Variants in ARID1A observed in about 807,000 individuals in gnomAD.
ARID1A encodes the protein AT-rich interactive domain-containing protein 1A.
Under a neutral mutation model 212.6 loss-of-function variants are expected in ARID1A, and 20 were observed. The ratio of observed to expected loss-of-function variants is 0.09; its 90% CI spans 0.07 to 0.14. The LOEUF is 0.14. Ranked by LOEUF, ARID1A falls within the 10% of genes least tolerant of loss-of-function variation. ARID1A has a pLI of 1.00. For synonymous variants in ARID1A, 1,376 were observed against 1,222.1 expected (o/e 1.13, Z -2.63); for missense variants, 2,587 against 3,059.0 (o/e 0.85, Z 3.64).
Position 26,766,276 on chromosome 1 carries a change from T to A in ARID1A, c.2788T>A (p.Tyr930Asn). ...QGGMMGTGPPYGQGINSMAGM... is the reference protein window; with the variant it reads ...QGGMMGTGPPNGQGINSMAGM... ...GGGCATGATGGGAACTGGACCTCCT[T>A]ATGGACAAGGGATTAATAGTATGGC... Residue 930 changes from tyrosine (Y) to asparagine (N), a missense_variant, in exon 9 of 20, where the codon TAT becomes AAT. Physicochemically the swap from Tyr to Asn is moderately radical, Grantham distance 143. Around this residue, in one of 11 missense-constraint regions of ARID1A, gnomAD observed 674 missense variants for 813.4 expected, o/e 0.83. Coordinates refer to ENST00000324856, the MANE Select transcript of ARID1A (RefSeq NM_006015.6). 6.2e-7 allele frequency: 1 copy of A among 1,614,086 alleles called. No homozygotes were observed. The highest frequency in any genetic ancestry group is 1.3e-5 in the African/African-American group (1 of 75,008).
In ARID1A at chr1:26,696,693, A is replaced by G. The variant is rs2124741178; in HGVS notation, c.290A>G (p.Glu97Gly). ...GGCAGCGGCGGCGGGCCCGGCGCGG[A>G]GCCGGACCTGAAGAACTCGAACGGG... ...GAGSGGGPGA[E>G]PDLKNSNGNA... Residue 97 changes from glutamate (E) to glycine (G), a missense_variant, in exon 1 of 20, where the codon GAG (glutamate) becomes GGG (glycine). By Grantham distance (98) the Glu-to-Gly change is moderately conservative. Coordinates refer to ENST00000324856, the MANE Select transcript of ARID1A (RefSeq NM_006015.6). The G allele has an allele frequency of 1.5e-6, 2 of 1,346,938 alleles. No homozygotes were observed. Among genetic ancestry groups the G allele is most frequent in the South Asian group, 1.9e-5 (1 of 53,508 alleles). The allele number at this position is 1,346,938 out of a possible 1,614,324, so 83.4% of individuals were successfully genotyped here. A position where few individuals can be genotyped will look rare whatever the true frequency, so the allele number is the denominator to read the frequency against.
At position 26,718,898 on chromosome 1, in the gene ARID1A, CAAT is replaced by C. The variant is rs2080530830; in HGVS notation, c.1138-10750_1138-10748del. On this transcript the variant is annotated intron_variant, in intron 1 of 19. Transcript: ENST00000324856. ...TTTATTAGGCATAGTAAGAGATTAACAATAACTAATGATAAAATACAACAGTTA... is the reference window on the plus strand; with the variant it reads ...TTTATTAGGCATAGTAAGAGATTAACAACTAATGATAAAATACAACAGTTA... Among the ~76,000 whole-genome samples, 4 of 152,188 alleles carry C rather than the reference CAAT, an allele frequency of 2.6e-5. No homozygotes were observed. The South Asian group carries it at 8.3e-4, about 31-fold the overall frequency.
In ARID1A at chr1:26,779,083, G is replaced by A. The variant is rs2081164459; in HGVS notation, c.5185G>A (p.Gly1729Ser). ...CCGACGATGCCTGATTGAGATCTTT[G>A]GCATTTTAAAGGAGTATGAGGTGGG... ...YFRRCLIEIF[G>S]ILKEYEVGDP... is the part of the protein sequence containing the mutation. Residue 1729 changes from glycine to serine, a missense_variant, in exon 20 of 20, where the codon GGC (glycine) becomes AGC (serine). Physicochemically the swap from Gly to Ser is moderately conservative, Grantham distance 56. Around this residue, in one of 11 missense-constraint regions of ARID1A, gnomAD observed 890 missense variants for 1,098.2 expected, o/e 0.81. Transcript: ENST00000324856. The A allele has an allele frequency of 6.6e-7, 1 of 1,515,196 alleles. No homozygotes were observed. Among genetic ancestry groups the A allele is most frequent in the Non-Finnish European group, 8.8e-7 (1 of 1,131,628 alleles). The allele number at this position is 1,515,196 out of a possible 1,614,324, so 93.9% of individuals were successfully genotyped here.
chr1:26,750,517 G>C (rs2124014835), intron 4 of ARID1A, among the ~76,000 whole-genome samples: 1 of 152,170 alleles, frequency 6.6e-6, no homozygotes, highest in South Asian at 2.1e-4. Context: ...GGAGAGTGGG[G>C]TCCCTAAACA....
intron 1 of ARID1A, among the ~76,000 whole-genome samples, chr1:26,711,006 C>A (rs758590836): frequency 6.6e-6 from 1 of 152,026 alleles, no homozygotes; most frequent in Non-Finnish European, 1.5e-5. Flanking sequence ...GCTGGCAGAT[C>A]GGGTTCTTGG....
intron 4 of ARID1A, among the ~76,000 whole-genome samples, chr1:26,734,442 C>T (rs530062649): frequency 6.6e-6 from 1 of 150,648 alleles, no homozygotes; most frequent in South Asian, 2.1e-4. Flanking sequence ...ATCTGACCCA[C>T]TGAAGTGAAG....
At position 26,779,145 on chromosome 1, in the gene ARID1A, G is replaced by T. The variant is rs200936451; in HGVS notation, c.5247G>T (p.Arg1749Ser). The T allele has an allele frequency of 6.3e-6, 10 of 1,591,736 alleles. No individual in the cohort carries two copies. The highest frequency in any genetic ancestry group is 3.5e-5 in the Admixed American group (2 of 57,684). The change falls in exon 20 of 20, where the codon AGG becomes AGT. Residue 1749 changes from arginine to serine, a missense_variant. Physicochemically the swap from Arg to Ser is moderately radical, Grantham distance 110. Coordinates refer to ENST00000324856, the MANE Select transcript of ARID1A (RefSeq NM_006015.6). ...AGAGAACGCTACTGGATCCTGGGAG[G>T]TTCAGCAAGGTGTCTAGTCCAGCTC... ...PGQRTLLDPGRFSKVSSPAPM... is the reference protein window; with the variant it reads ...PGQRTLLDPGSFSKVSSPAPM...
intron 1 of ARID1A, chr1:26,727,692 T>A (rs2080631413): frequency 6.6e-6 from 1 of 152,224 alleles, no homozygotes; most frequent in South Asian, 2.1e-4. Context: ...AGAAGCTCTA[T>A]AGTAACCATG....
At chr1:26,776,197 T>G (rs1160843900) in intron 19 of ARID1A, among the ~76,000 whole-genome samples, 1 of 151,886 alleles carries the variant, frequency 6.6e-6, no homozygotes, top group African/African-American at 2.4e-5. Context: ...TTCCCTTTCT[T>G]CTCTGAACAG....
rs34522650 is a variant in ARID1A, at chr1:26,710,528, C to G, written c.1137+12988C>G. 4.3e-3 allele frequency among the ~76,000 whole-genome samples: 640 copies of G among 148,316 alleles called. 5 individuals are homozygous for G. Among genetic ancestry groups the G allele is most frequent in the African/African-American group, 0.015 (584 of 39,752 alleles). On this transcript the variant is annotated intron_variant, in intron 1 of 19. Transcript: ENST00000324856. ...ACACACACACACACACACACACACA[C>G]CACTTGTTGTTCCAGCTTGAGAAGT...
intron 11 of ARID1A, among the ~76,000 whole-genome samples, chr1:26,768,830 C>A (rs1364518310): frequency 6.6e-6 from 1 of 152,158 alleles, no homozygotes; most frequent in Non-Finnish European, 1.5e-5. Flanking sequence ...TCTGTAGTCA[C>A]CAGACCAGAA....
rs987821509 is a variant in ARID1A at position 26,696,835 on chromosome 1, G to A, written c.432G>A (p.Pro144=). 9 of 1,336,968 alleles carry A rather than the reference G, an allele frequency of 6.7e-6. No individual in the cohort carries two copies. In the African/African-American group the frequency reaches 1.2e-4, roughly 18 times the overall value. The allele number at this position is 1,336,968 out of a possible 1,614,324, so 82.8% of individuals were successfully genotyped here. ...CTCACTCAGCCGCGGCCGCCTTGCCGCCCCCAGCCTACGGCTTCGGGCAAC... is the reference window on the plus strand; with the variant it reads ...CTCACTCAGCCGCGGCCGCCTTGCCACCCCCAGCCTACGGCTTCGGGCAAC... ...APPHSAAAAL[P]PPAYGFGQPY... is the part of the protein sequence containing the mutation. Residue 144 remains proline, a synonymous_variant, in exon 1 of 20, where the codon CCG becomes CCA. Coordinates refer to ENST00000324856, the MANE Select transcript of ARID1A (RefSeq NM_006015.6).
chr1:26,748,375 T>G (rs1452183320), intron 4 of ARID1A, among the ~76,000 whole-genome samples: 2 of 152,170 alleles, frequency 1.3e-5, no homozygotes, highest in Non-Finnish European at 2.9e-5. Flanking sequence ...TTTCCTGCCC[T>G]CTTTACTCAA....
At chr1:26,722,329 T>G (rs2080572950) in intron 1 of ARID1A, among the ~76,000 whole-genome samples, 1 of 152,130 alleles carries the variant, frequency 6.6e-6, no homozygotes, top group South Asian at 2.1e-4. Flanking sequence ...CACTACAACC[T>G]CTGCCTCCCA....
intron 1 of ARID1A, among the ~76,000 whole-genome samples, chr1:26,728,402 C>T (rs1166183215): frequency 6.6e-6 from 1 of 152,134 alleles, no homozygotes; most frequent in Non-Finnish European, 1.5e-5. Flanking sequence ...TTGGATCTCC[C>T]CTTCCTTTAT....
chr1:26,714,442 C>T (rs912485737), intron 1 of ARID1A, among the ~76,000 whole-genome samples: 2 of 151,234 alleles, frequency 1.3e-5, no homozygotes, highest in African/African-American at 2.4e-5. Context: ...GAGACGGAAT[C>T]TCGTTCGGTT....
intron 4 of ARID1A, among the ~76,000 whole-genome samples, chr1:26,735,226 A>G (rs187665699): frequency 6.6e-6 from 1 of 151,708 alleles, no homozygotes; most frequent in African/African-American, 2.4e-5. Context: ...CCTGGGTTCA[A>G]GTGATTCTTC....
At chr1:26,713,046 A>G (rs372216256) in intron 1 of ARID1A, among the ~76,000 whole-genome samples, 17 of 152,344 alleles carry the variant, frequency 1.1e-4, no homozygotes, top group South Asian at 2.1e-4. Flanking sequence ...CCTAGCTGCA[A>G]TGAAGGCAGT....
chr1:26,720,655 A>T (rs2080554370), intron 1 of ARID1A, among the ~76,000 whole-genome samples: 1 of 152,070 alleles, frequency 6.6e-6, no homozygotes, highest in Non-Finnish European at 1.5e-5. Context: ...AAGCTGGCAG[A>T]TCACTTGAGC....
Sources: allele counts gnomAD v4.1 joint callset (sites outside exome capture counted in the v4.1 genomes callset), GRCh38; gene constraint gnomAD v4.1.1; regional missense constraint gnomAD v4.1.1; transcripts MANE v1.5; gene names NCBI Gene and HGNC (gene_info 2026-07-23, HGNC 2026-07-21).